The following CCDC144A variants were observed in gnomAD, a reference collection of about 807,000 sequenced individuals.
CCDC144A encodes the protein coiled-coil domain-containing protein 144A.
A neutral mutation model predicts 143.8 loss-of-function variants in CCDC144A; 41 were observed. The observed-to-expected ratio is 0.29, with a 90% CI of 0.22 to 0.37. The LOEUF (loss-of-function observed/expected upper bound fraction) is 0.37, where lower values mean the gene tolerates loss of function less well. Ranked by LOEUF, CCDC144A falls within the 10% of genes least tolerant of loss-of-function variation. CCDC144A has a pLI of 1.00. For missense variants in CCDC144A, 637 were observed against 1,488.8 expected (o/e 0.43, Z 9.41); for synonymous variants, 242 against 517.9 (o/e 0.47, Z 7.23).
At chr17:16,675,118 A>T in the CCDC144A span, among the ~76,000 whole-genome samples, 3 of 151,650 alleles carry the variant, frequency 2.0e-5, no homozygotes, top group Non-Finnish European at 4.4e-5. Flanking sequence ...AAAATACAAA[A>T]ATCAGCCGGG....
chr17:16,711,641 C>G (rs1261008615), intron 5 of CCDC144A, 38 bp from the exon 6 acceptor site: 6 of 1,609,602 alleles, frequency 3.7e-6, no homozygotes, highest in Middle Eastern at 2.3e-4. Flanking sequence ...TTGAATAAAG[C>G]AATAACAATC....
At position 16,775,892 on chromosome 17, in the gene CCDC144A, G is replaced by A. The variant is rs1287644621; in HGVS notation, c.*2259G>A. The A allele has an allele frequency of 4.6e-5, 7 of 152,256 alleles. No individual in the cohort carries two copies. The highest frequency in any genetic ancestry group is 2.0e-4 in the Admixed American group (3 of 15,276). The allele number at this position is 152,256 out of a possible 1,614,324, so 9.4% of individuals were successfully genotyped here. On this transcript the variant is annotated 3_prime_UTR_variant, in exon 17 of 17. Transcript: ENST00000399273. ...GAGTTAACTTTTGTATATGGGTTAA[G>A]GAAGGGGTCCCGTTTCAATTTGCTG...
the CCDC144A span, among the ~76,000 whole-genome samples, chr17:16,682,474 T>C: frequency 3.8e-3 from 581 of 151,964 alleles, 6 homozygotes; most frequent in African/African-American, 0.013. Flanking sequence ...AGTGTTGAGG[T>C]ATAATATGAA....
At chr17:16,768,665 T>C (rs1208070792) in intron 15 of CCDC144A, among the ~76,000 whole-genome samples, 4 of 152,256 alleles carry the variant, frequency 2.6e-5, no homozygotes, top group African/African-American at 9.6e-5. Context: ...ATAGTTTTAT[T>C]GGCTCCTTAT....
chr17:16,720,856 G>A (rs184245714), intron 8 of CCDC144A, among the ~76,000 whole-genome samples, 198 bp downstream of exon 8: 32 of 152,230 alleles, frequency 2.1e-4, no homozygotes, highest in Non-Finnish European at 3.4e-4. Flanking sequence ...GGCATTCCCA[G>A]TCTTTTTGTT....
At chr17:16,746,160 C>A in intron 12 of CCDC144A, 3 of 1,555,052 alleles carry the variant, frequency 1.9e-6, no homozygotes, top group Non-Finnish European at 2.6e-6. Flanking sequence ...CTCCTCTCCT[C>A]TTTCTTTTGG....
At chr17:16,759,989 C>T (rs1444540931) in intron 12 of CCDC144A, among the ~76,000 whole-genome samples, 4 of 152,200 alleles carry the variant, frequency 2.6e-5, no homozygotes, top group African/African-American at 9.7e-5. Flanking sequence ...TTTACCTGTG[C>T]GGCATTCGAA....
Position 16,777,630 on chromosome 17 carries a change from A to T in CCDC144A, c.*3997A>T, listed in dbSNP as rs1270902386. ...GAATGATTGTTGGGTCAACAATGAT[A>T]TCAAGAGGGAAATTTAAAAATTCTT... On this transcript the variant is annotated 3_prime_UTR_variant, in exon 17 of 17. Coordinates refer to ENST00000399273, the MANE Select transcript of CCDC144A (RefSeq NM_001382000.1). The T allele has an allele frequency of 4.4e-5, 6 of 137,688 alleles. No individual in the cohort carries two copies. Among genetic ancestry groups the T allele is most frequent in the Admixed American group, 7.3e-5 (1 of 13,706 alleles). 8.5% of individuals were successfully genotyped at this position (137,688 alleles called of 1,614,324 possible). A position where few individuals can be genotyped will look rare whatever the true frequency, so the allele number is the denominator to read the frequency against.
chr17:16,745,960 T>A (rs1336601861), intron 12 of CCDC144A: 3 of 1,607,158 alleles, frequency 1.9e-6, no homozygotes, highest in East Asian at 4.5e-5. Flanking sequence ...GCTCTGTGCC[T>A]CCTGCCGTCA....
chr17:16,752,260 T>A (rs905917813), intron 12 of CCDC144A, among the ~76,000 whole-genome samples: 20 of 152,168 alleles, frequency 1.3e-4, no homozygotes, highest in Non-Finnish European at 2.2e-4. Context: ...TGCGTGCTCC[T>A]TATGAGAATC....
chr17:16,681,950 G>T, the CCDC144A span, among the ~76,000 whole-genome samples: 1 of 151,996 alleles, frequency 6.6e-6, no homozygotes, highest in Admixed American at 6.6e-5. Flanking sequence ...GAAAAAAAGG[G>T]CAATGATAAA....
chr17:16,757,018 C>G (rs906385857), intron 12 of CCDC144A, among the ~76,000 whole-genome samples: 2 of 152,240 alleles, frequency 1.3e-5, no homozygotes, highest in Non-Finnish European at 2.9e-5. Context: ...ATGGCATACA[C>G]AAGGATGTAT....
At chr17:16,674,433 A>G in the CCDC144A span, among the ~76,000 whole-genome samples, 1 of 152,090 alleles carries the variant, frequency 6.6e-6, no homozygotes, top group Admixed American at 6.6e-5. Flanking sequence ...CATTGAAAAG[A>G]AAGTTGCTTA....
chr17:16,719,104 A>G (rs1912941569), intron 6 of CCDC144A, among the ~76,000 whole-genome samples: 1 of 151,320 alleles, frequency 6.6e-6, no homozygotes, highest in Non-Finnish European at 1.5e-5. Flanking sequence ...TGCTGAGATT[A>G]CAGGCGTGAG....
chr17:16,723,186 A>G (rs1913194809), intron 8 of CCDC144A, among the ~76,000 whole-genome samples: 1 of 152,002 alleles, frequency 6.6e-6, no homozygotes, highest in Non-Finnish European at 1.5e-5. Context: ...TAGATATAGG[A>G]CAGTTCATGT....
In CCDC144A at chr17:16,753,428, G is replaced by GTTTTTT; in HGVS notation, c.3373-7974_3373-7969dup. Among the ~76,000 whole-genome samples, 274 of 57,360 alleles carry GTTTTTT rather than the reference G, an allele frequency of 4.8e-3. 1 individual carries two copies. Among genetic ancestry groups the GTTTTTT allele is most frequent in the South Asian group, 6.5e-3 (8 of 1,226 alleles). The allele number at this position is 57,360 out of a possible 152,430, so 37.6% of individuals were successfully genotyped here. On this transcript the variant is annotated intron_variant, in intron 12 of 16. Coordinates refer to ENST00000399273, the MANE Select transcript of CCDC144A (RefSeq NM_001382000.1). The stretch of plus-strand genomic sequence containing the variant: ...CAATTTCTTTTGTCAGTGTTTTGTA[G>GTTTTTT]TTTTTTTTTTTTTTTTTTTTTTTTT...
chr17:16,709,197 C>T lies in CCDC144A; in HGVS notation c.1140C>T (p.Tyr380=). ...TCATCCATCCATACTATCATCCATA[C>T]TCTGGGTCCCAGGAACATGTTTGCC... is the stretch of plus-strand genomic sequence containing the variant. ...KNIIHPYYHP[Y]SGSQEHVCQS... Residue 380 remains tyrosine (Y), a synonymous_variant, in exon 5 of 17, where the codon TAC becomes TAT. Transcript: ENST00000399273. The T allele has an allele frequency of 6.2e-7, 1 of 1,611,704 alleles. No homozygotes were observed. Among genetic ancestry groups the T allele is most frequent in the Non-Finnish European group, 8.5e-7 (1 of 1,179,658 alleles).
At position 16,765,569 on chromosome 17, in the gene CCDC144A, A is replaced by G. The variant is rs2143390075; in HGVS notation, c.4098+1394A>G. The G allele has an allele frequency of 2.0e-5, 3 of 149,126 alleles. 1 individual carries two copies. In the South Asian group the frequency reaches 6.6e-4, roughly 33 times the overall value. 9.2% of individuals were successfully genotyped at this position (149,126 alleles called of 1,614,324 possible). On this transcript the variant is annotated intron_variant, in intron 15 of 16. Coordinates refer to ENST00000399273, the MANE Select transcript of CCDC144A (RefSeq NM_001382000.1). ...TCCTTAGCGCACAGAAAAGTAGCGC[A>G]GGCCCACATGGAATGAACCTCAACC...
rs1307923345 is a variant in CCDC144A, at chr17:16,753,434, T to TG, written c.3373-7991_3373-7990insG. ...CTTTTGTCAGTGTTTTGTAGTTTTT[T>TG]TTTTTTTTTTTTTTTTTTTTTTGTA... On this transcript the variant is annotated intron_variant, in intron 12 of 16. Transcript: ENST00000399273. Among the ~76,000 whole-genome samples, 294 of 118,522 alleles carry TG rather than the reference T, an allele frequency of 2.5e-3. 7 individuals carry two copies. The highest frequency in any genetic ancestry group is 9.0e-3 in the African/African-American group (214 of 23,720). The allele number at this position is 118,522 out of a possible 152,430, so 77.8% of individuals were successfully genotyped here. A position where few individuals can be genotyped will look rare whatever the true frequency, so the allele number is the denominator to read the frequency against.
Sources: allele counts gnomAD v4.1 joint callset (sites outside exome capture counted in the v4.1 genomes callset), GRCh38; gene constraint gnomAD v4.1.1; transcripts MANE v1.5; gene names NCBI Gene and HGNC (gene_info 2026-07-23, HGNC 2026-07-21).